The following RTL9 variants were observed in gnomAD, a reference collection of about 807,000 sequenced individuals.
RTL9 encodes retrotransposon Gag like 9.
Under a neutral mutation model 44.7 loss-of-function variants are expected in RTL9, and 19 were observed. That is an observed-to-expected ratio of 0.42 (90% CI 0.30 to 0.62). RTL9 has a LOEUF of 0.62. Ranked by LOEUF, RTL9 falls within the 20% of genes least tolerant of loss-of-function variation. The pLI, the probability that RTL9 is intolerant of heterozygous loss-of-function variation, is 0.16. For missense variants in RTL9, 1,105 were observed against 1,080.6 expected, an observed-to-expected ratio of 1.02 and a Z score of -0.32; for synonymous variants, 407 against 398.9, an observed-to-expected ratio of 1.02 and a Z score of -0.24.
intron 1 of RTL9, among the ~76,000 whole-genome samples, chrX:110,432,167 GCT>G: frequency 8.9e-6 from 1 of 112,102 alleles, no homozygotes; most frequent in East Asian, 2.8e-4. Context: ...GAAGGGAGGG[GCT>G]AAGTGCCTAG....
At chrX:110,433,270 G>T (rs927291745) in intron 1 of RTL9, among the ~76,000 whole-genome samples, 3 of 112,548 alleles carry the variant, frequency 2.7e-5, no homozygotes, top group African/African-American at 9.7e-5. Flanking sequence ...GTAGTGCATA[G>T]CCCGTATCCT....
chrX:110,450,564 CAG>C lies in RTL9; in HGVS notation c.-52_-51del. The C allele has an allele frequency of 9.4e-7, 1 of 1,058,582 alleles. No homozygotes were observed. 87.2% of individuals were successfully genotyped at this position (1,058,582 alleles called of 1,213,427 possible). On this transcript the variant is annotated 5_prime_UTR_variant, in exon 1 of 2. Coordinates refer to ENST00000540313, the Ensembl canonical transcript of RTL9. ...GACCTCTAAACTTGTTTCTTGTTTA[CAG>C]ATTTTCTTGCCTCCTGGGCTCCCTC...
chrX:110,385,380 T>A lies in RTL9; in HGVS notation c.-168+26464T>A, dbSNP rs769346392. 3.6e-5 allele frequency among the ~76,000 whole-genome samples: 4 copies of A among 111,755 alleles called. No homozygotes were observed. The South Asian group carries it at 1.5e-3, about 42-fold the overall frequency. ...TGAATTATATCTCAATAAATTCACC[T>A]ATTTAAAGTGTACAGTTCAGTCATT... is the stretch of plus-strand genomic sequence containing the variant. On this transcript the variant is annotated intron_variant, in intron 1 of 2. Coordinates refer to the RTL9 transcript ENST00000520821.
chrX:110,416,811 C>A (rs1457663856), upstream of RTL9, among the ~76,000 whole-genome samples: 1 of 112,068 alleles, frequency 8.9e-6, no homozygotes, highest in Non-Finnish European at 1.9e-5. Context: ...GGCAAGGTGG[C>A]CCAGTGGTTA....
At chrX:110,439,467 A>G (rs2068863804) in intron 1 of RTL9, among the ~76,000 whole-genome samples, 1 of 112,121 alleles carries the variant, frequency 8.9e-6, no homozygotes, top group Non-Finnish European at 1.9e-5. Context: ...AACATCTTTC[A>G]CTGTTTCAGC....
chrX:110,404,327 A>T (rs192082777), intron 1 of RTL9, among the ~76,000 whole-genome samples: 2 of 111,649 alleles, frequency 1.8e-5, no homozygotes. Flanking sequence ...ATTGTGGCCT[A>T]GTGCTTAGGA....
chrX:110,435,194 G>T (rs1603009193), intron 1 of RTL9, among the ~76,000 whole-genome samples: 1 of 109,499 alleles, frequency 9.1e-6, no homozygotes, highest in East Asian at 2.9e-4. Context: ...GGAGGGAGGA[G>T]CTCTGTGCAC....
chrX:110,411,649 G>A (rs1005109586), intron 1 of RTL9, among the ~76,000 whole-genome samples: 2 of 112,094 alleles, frequency 1.8e-5, no homozygotes, highest in Non-Finnish European at 3.8e-5. Flanking sequence ...GATATCTCAT[G>A]CAAAGTGGAA....
At chrX:110,446,429 C>G (rs193119925), upstream of RTL9, among the ~76,000 whole-genome samples, 1 of 110,217 alleles carries the variant, frequency 9.1e-6, no homozygotes, top group Non-Finnish European at 1.9e-5. Context: ...GGTGGATGTC[C>G]GGGATTCCTA....
At chrX:110,400,792 G>A (rs999823619) in intron 1 of RTL9, among the ~76,000 whole-genome samples, 2 of 111,473 alleles carry the variant, frequency 1.8e-5, no homozygotes, top group African/African-American at 6.5e-5. Context: ...ACTTGAATGT[G>A]AGCCCCTTGA....
intron 1 of RTL9, among the ~76,000 whole-genome samples, chrX:110,444,732 TCTGCTA>T (rs1250564522): frequency 1.8e-5 from 2 of 112,516 alleles, no homozygotes; most frequent in Non-Finnish European, 3.8e-5. Flanking sequence ...TTTTGAGTGT[TCTGCTA>T]GTACCTCTAG....
In RTL9 at chrX:110,450,715, CAG is replaced by C; in HGVS notation, c.102_103del (p.Glu34AspfsTer38). ...CAGATGGCCTTCTGTAGACCAATGA[CAG>C]AGACCAGAGCAGACGTACAGATTCT... On this transcript the variant is annotated frameshift_variant, in exon 1 of 2. Coordinates refer to ENST00000540313, the Ensembl canonical transcript of RTL9. LOFTEE classifies it high-confidence loss of function. The C allele has an allele frequency of 8.3e-7, 1 of 1,210,772 alleles. No individual in the cohort carries two copies. Among genetic ancestry groups the C allele is most frequent in the Non-Finnish European group, 1.1e-6 (1 of 894,852 alleles).
chrX:110,375,853 A>C (rs974766672), intron 1 of RTL9, among the ~76,000 whole-genome samples: 3 of 112,073 alleles, frequency 2.7e-5, no homozygotes, highest in Non-Finnish European at 3.8e-5. Context: ...TAAATAAAAC[A>C]TCAGAATCTG....
intron 1 of RTL9, among the ~76,000 whole-genome samples, chrX:110,388,768 C>T (rs1343822395): frequency 9.0e-6 from 1 of 111,605 alleles, no homozygotes; most frequent in East Asian, 2.8e-4. Context: ...GGTCCAGGGA[C>T]CACACTTTAA....
rs144376151 is a variant in RTL9 at position 110,453,901 on chromosome X, C to T, written c.3284C>T (p.Pro1095Leu). The change falls in exon 1 of 2, where the codon CCG (proline) becomes CTG (leucine). Residue 1095 changes from proline to leucine, a missense_variant. Transcript: ENST00000540313. The stretch of plus-strand genomic sequence containing the variant: ...ACAGCCTTTGGAGTGATGTCCACTC[C>T]GGAAATCAAAGCCACAGACTCTGGA... The T allele has an allele frequency of 2.3e-5, 28 of 1,210,425 alleles. No individual in the cohort carries two copies. The highest frequency in any genetic ancestry group is 2.1e-4 in the South Asian group (12 of 56,787).
intron 1 of RTL9, among the ~76,000 whole-genome samples, chrX:110,404,206 C>T (rs773921564): frequency 8.9e-6 from 1 of 111,980 alleles, no homozygotes; most frequent in Admixed American, 9.5e-5. Context: ...GAGGCTAAAT[C>T]GTCCTTATAA....
rs149389246 is a variant in RTL9, at chrX:110,451,208, C to T, written c.591C>T (p.Ala197=). ...CAATGTCCACACCATTAATGCTAGC[C>T]CCAGATTCTGGAGAGTTATCCCCAA... Residue 197 remains alanine (A), a synonymous_variant, in exon 1 of 2, where the codon GCC becomes GCT. Coordinates refer to ENST00000540313, the Ensembl canonical transcript of RTL9. 29 of 1,210,035 alleles carry T rather than the reference C, an allele frequency of 2.4e-5. 1 individual carries two copies. In the East Asian group the frequency reaches 7.1e-4, roughly 30 times the overall value.
intron 1 of RTL9, among the ~76,000 whole-genome samples, chrX:110,422,481 A>T (rs1030141064): frequency 5.6e-4 from 63 of 113,020 alleles, no homozygotes; most frequent in African/African-American, 1.9e-3. Context: ...TGTTCTCCCC[A>T]GTTGTGGCAA....
intron 1 of RTL9, among the ~76,000 whole-genome samples, chrX:110,359,132 T>C (rs1338908591): frequency 9.0e-6 from 1 of 111,185 alleles, no homozygotes; most frequent in African/African-American, 3.3e-5. Context: ...ACATAGCTGG[T>C]TAAGTGCCAG....
Sources: allele counts gnomAD v4.1 joint callset (sites outside exome capture counted in the v4.1 genomes callset), GRCh38; gene constraint gnomAD v4.1.1; transcripts MANE v1.5; gene names NCBI Gene and HGNC (gene_info 2026-07-23, HGNC 2026-07-21).